The following SMYD3 variants were observed in gnomAD, a reference collection of about 807,000 sequenced individuals.
SMYD3 encodes histone-lysine N-methyltransferase SMYD3.
In SMYD3, 36 loss-of-function variants were observed where a neutral mutation model predicts 57.7. The ratio of observed to expected loss-of-function variants is 0.62; its 90% CI spans 0.48 to 0.82. SMYD3 has a LOEUF of 0.82. Ranked by LOEUF, SMYD3 falls within the 40% of genes least tolerant of loss-of-function variation. The pLI, the probability that SMYD3 is intolerant of heterozygous loss-of-function variation, is 0.00. For missense variants in SMYD3, 515 were observed against 538.8 expected, an observed-to-expected ratio of 0.96 and a Z score of 0.44; for synonymous variants, 211 against 195.0, an observed-to-expected ratio of 1.08 and a Z score of -0.68.
chr1:245,860,886 T>C (rs2051507696), intron 9 of SMYD3, among the ~76,000 whole-genome samples: 1 of 152,242 alleles, frequency 6.6e-6, no homozygotes, highest in African/African-American at 2.4e-5. Flanking sequence ...GCAAGACTTG[T>C]ACCTTATTTT....
intron 8 of SMYD3, among the ~76,000 whole-genome samples, chr1:245,900,305 A>G (rs1474816951): frequency 1.3e-5 from 2 of 152,232 alleles, no homozygotes; most frequent in Admixed American, 6.5e-5. Context: ...AAAGGTGGCC[A>G]TATGACACCA....
At chr1:245,949,927 C>T (rs933956497) in intron 5 of SMYD3, among the ~76,000 whole-genome samples, 2 of 151,536 alleles carry the variant, frequency 1.3e-5, no homozygotes, top group African/African-American at 4.8e-5. Context: ...AAATCCTCCC[C>T]TGTGAATGCA....
At chr1:246,103,191 G>A (rs78272868) in intron 5 of SMYD3, among the ~76,000 whole-genome samples, 5,058 of 152,256 alleles carry the variant, frequency 0.033, 121 homozygotes, top group Non-Finnish European at 0.049. Flanking sequence ...TCAGAAAACT[G>A]TCAGTCAAGA....
At chr1:245,968,003 A>G (rs955401505) in intron 5 of SMYD3, among the ~76,000 whole-genome samples, 15 of 152,168 alleles carry the variant, frequency 9.9e-5, no homozygotes, top group Non-Finnish European at 7.4e-5. Context: ...CCAGTACACT[A>G]CAATATTTAT....
At chr1:246,000,436 C>T (rs1474842701) in intron 5 of SMYD3, among the ~76,000 whole-genome samples, 1 of 152,198 alleles carries the variant, frequency 6.6e-6, no homozygotes, top group East Asian at 1.9e-4. Context: ...CTTCCCTTCT[C>T]TCCCACTGGG....
intron 10 of SMYD3, among the ~76,000 whole-genome samples, chr1:245,791,589 G>A (rs1469806034): frequency 2.9e-5 from 4 of 139,726 alleles, no homozygotes; most frequent in Non-Finnish European, 6.2e-5. Flanking sequence ...CTTAGGAAAG[G>A]AATGGGGGGA....
intron 5 of SMYD3, among the ~76,000 whole-genome samples, chr1:246,060,582 A>ATTTTTTTTTTTTTT (rs1558191811): frequency 6.6e-6 from 1 of 152,180 alleles, no homozygotes; most frequent in Admixed American, 6.5e-5. Flanking sequence ...CATTTTAATA[A>ATTTTTTTTTTTTTT]ATTTTTATGA....
chr1:246,335,531 A>C, intron 2 of SMYD3, 57 bp from the exon 3 acceptor site: 1 of 1,396,262 alleles, frequency 7.2e-7, no homozygotes, highest in Admixed American at 1.7e-5. Context: ...TTTCATTTAT[A>C]CTGGTTTTGA....
At chr1:246,201,820 C>A (rs1250636021) in intron 5 of SMYD3, among the ~76,000 whole-genome samples, 1 of 152,118 alleles carries the variant, frequency 6.6e-6, no homozygotes, top group Non-Finnish European at 1.5e-5. Context: ...TGAGACCAGC[C>A]TGGGCAACTT....
intron 1 of SMYD3, among the ~76,000 whole-genome samples, chr1:246,431,622 C>A (rs1471907200): frequency 1.3e-5 from 2 of 152,066 alleles, no homozygotes; most frequent in East Asian, 1.9e-4. Flanking sequence ...CCCAGCTACT[C>A]GGGGGAGGCT....
chr1:246,133,677 T>C (rs2061622164), intron 5 of SMYD3, among the ~76,000 whole-genome samples: 1 of 151,994 alleles, frequency 6.6e-6, no homozygotes, highest in African/African-American at 2.4e-5. Context: ...AGGAGAAACA[T>C]CTTCTTAAGG....
In SMYD3 at chr1:245,920,206, G is replaced by A. The variant is rs186744384; in HGVS notation, c.703-4566C>T. Among the ~76,000 whole-genome samples the A allele has an allele frequency of 3.7e-3, 559 of 151,488 alleles. 1 individual carries two copies. Among genetic ancestry groups the A allele is most frequent in the African/African-American group, 0.013 (528 of 41,290 alleles). On this transcript the variant is annotated intron_variant, in intron 7 of 11. Coordinates refer to ENST00000490107, the MANE Select transcript of SMYD3 (RefSeq NM_001167740.2). ...CGGGCGCCTGTAGTCCCAGCTACTCGGGAGGCAGAGGCAGGAGGATGGCGT... is the reference window on the plus strand; with the variant it reads ...CGGGCGCCTGTAGTCCCAGCTACTCAGGAGGCAGAGGCAGGAGGATGGCGT...
intron 10 of SMYD3, among the ~76,000 whole-genome samples, chr1:245,801,535 A>G (rs1321737482): frequency 1.3e-5 from 2 of 152,232 alleles, no homozygotes; most frequent in African/African-American, 4.8e-5. Flanking sequence ...AGAGGAAGGG[A>G]TAAGAGCTCT....
chr1:245,801,575 C>G (rs933799188), intron 10 of SMYD3, among the ~76,000 whole-genome samples: 30 of 152,148 alleles, frequency 2.0e-4, no homozygotes, highest in Admixed American at 2.0e-3. Context: ...GTTAATCCAG[C>G]AGACTCTCCA....
chr1:246,434,233 A>C (rs2103012478), intron 1 of SMYD3, among the ~76,000 whole-genome samples: 1 of 152,362 alleles, frequency 6.6e-6, no homozygotes, highest in African/African-American at 2.4e-5. Context: ...TTTAGAAAAG[A>C]ATGTGTGACT....
chr1:246,452,267 A>T (rs1266327977), intron 1 of SMYD3, among the ~76,000 whole-genome samples: 1 of 152,174 alleles, frequency 6.6e-6, no homozygotes, highest in Non-Finnish European at 1.5e-5. Context: ...GCACTTTGGG[A>T]GGCCAAGATG....
chr1:246,283,397 C>G (rs1008765311), intron 5 of SMYD3, among the ~76,000 whole-genome samples: 16 of 152,122 alleles, frequency 1.1e-4, no homozygotes, highest in Non-Finnish European at 1.5e-4. Flanking sequence ...ACCATCGACT[C>G]GCAATCTGAA....
rs151215695 is a variant in SMYD3 at position 245,750,847 on chromosome 1, C to G, written c.1186-1183G>C. On this transcript the variant is annotated intron_variant, in intron 11 of 11. Transcript: ENST00000490107. Reference sequence around the variant, plus strand: ...GGTGGCTGTTATGCACCCAAAGTACCTGGAAGTGGCACTGAGGCTCTCAGC... The same window carrying G: ...GGTGGCTGTTATGCACCCAAAGTACGTGGAAGTGGCACTGAGGCTCTCAGC... Among the ~76,000 whole-genome samples, 159 of 152,216 alleles carry G rather than the reference C, an allele frequency of 1.0e-3. 2 individuals are homozygous for G. The highest frequency in any genetic ancestry group is 3.7e-3 in the African/African-American group (153 of 41,544).
intron 5 of SMYD3, among the ~76,000 whole-genome samples, chr1:246,124,504 G>A (rs2061475575): frequency 6.6e-6 from 1 of 152,150 alleles, no homozygotes; most frequent in Non-Finnish European, 1.5e-5. Flanking sequence ...GGCGAGGTTT[G>A]AATAGAGCCA....
Sources: gnomAD v4.1 joint callset for allele counts (sites outside exome capture counted in the v4.1 genomes callset) on GRCh38, gnomAD v4.1.1 for gene constraint, MANE v1.5 for transcripts, NCBI Gene and HGNC (gene_info 2026-07-23, HGNC 2026-07-21) for gene names.